Variants in CAST observed in about 807,000 individuals in gnomAD.
CAST encodes the protein calpastatin.
CAST carries 76 observed loss-of-function variants against 119.6 expected under a neutral mutation model. The observed-to-expected ratio is 0.64, with a 90% CI of 0.53 to 0.77. The LOEUF is 0.77. CAST is among the 30% of genes least tolerant of loss of function. The pLI, the probability that CAST is intolerant of heterozygous loss-of-function variation, is 0.00. For missense variants in CAST, 953 were observed against 946.5 expected (o/e 1.01, Z -0.09); for synonymous variants, 319 against 331.6 (o/e 0.96, Z 0.41).
rs1561417211 is a variant in CAST at position 96,561,807 on chromosome 5, T to TTTTTTG, written c.60+31930_60+31931insTTGTTT. ...ATATGTTTTTTTTTGTTTTTTTTTT[T>TTTTTTG]TTTGAGACGGAGTCTCGCTCTGTCG... On this transcript the variant is annotated intron_variant, in intron 1 of 11. Transcript: ENST00000505143. Among the ~76,000 whole-genome samples, 14 of 121,454 alleles carry TTTTTTG rather than the reference T, an allele frequency of 1.2e-4. 1 individual carries two copies. Among genetic ancestry groups the TTTTTTG allele is most frequent in the African/African-American group, 4.0e-4 (13 of 32,168 alleles). The allele number at this position is 121,454 out of a possible 152,430, so 79.7% of individuals were successfully genotyped here.
rs1252391715 is a variant in CAST at position 96,765,969 on chromosome 5, A to G, written c.2038-84A>G. 6.2e-6 allele frequency: 5 copies of G among 802,010 alleles called. No homozygotes were observed. The East Asian group carries it at 1.2e-4, about 20-fold the overall frequency. The allele number at this position is 802,010 out of a possible 1,614,324, so 49.7% of individuals were successfully genotyped here. A position where few individuals can be genotyped will look rare whatever the true frequency, so the allele number is the denominator to read the frequency against. On this transcript the variant is annotated intron_variant, in intron 26 of 31. Coordinates refer to ENST00000675179, the MANE Select transcript of CAST (RefSeq NM_001750.7). ...TGTTTTGCCTCATGAAAGTACAACA[A>G]ATGCTGAATGCTGCATTTGACAATG...
chr5:96,762,532 G>A, intron 25 of CAST, 160 bp downstream of exon 25: 2 of 518,390 alleles, frequency 3.9e-6, no homozygotes, highest in South Asian at 3.7e-5. Context: ...TTAGCGAGAT[G>A]GCAGAGATTA....
At chr5:96,527,086 T>C (rs1745607928), upstream of CAST, among the ~76,000 whole-genome samples, 1 of 152,310 alleles carries the variant, frequency 6.6e-6, no homozygotes, top group East Asian at 1.9e-4. Flanking sequence ...TAGATCTGCA[T>C]TTTACATAGG....
chr5:96,012,033 T>A, the CAST span, among the ~76,000 whole-genome samples: 1 of 152,170 alleles, frequency 6.6e-6, no homozygotes, highest in Non-Finnish European at 1.5e-5. Context: ...TTTTCATTTA[T>A]CTTTGAAGTC....
At chr5:96,412,984 A>G in the CAST span, 5 of 1,000,004 alleles carry the variant, frequency 5.0e-6, no homozygotes, top group African/African-American at 5.3e-5. Flanking sequence ...CTGTCCCACA[A>G]ATGGCTGTGG....
intron 1 of CAST, among the ~76,000 whole-genome samples, chr5:96,562,007 T>A (rs1458152893): frequency 6.6e-6 from 1 of 150,646 alleles, no homozygotes; most frequent in African/African-American, 2.4e-5. Flanking sequence ...TTAGCCAGGA[T>A]GGTCTCGATC....
chr5:96,724,112 C>T lies in CAST; in HGVS notation c.270+1414C>T, dbSNP rs1758796677. Among the ~76,000 whole-genome samples, 6 of 152,078 alleles carry T rather than the reference C, an allele frequency of 3.9e-5. No homozygotes were observed. The South Asian group carries it at 1.2e-3, about 32-fold the overall frequency. ...ATTTCTAAATTGCTTTCAAAATATACATTATATAATCTATAATTAATGTTA... is the reference window on the plus strand; with the variant it reads ...ATTTCTAAATTGCTTTCAAAATATATATTATATAATCTATAATTAATGTTA... On this transcript the variant is annotated intron_variant, in intron 4 of 31. Transcript: ENST00000675179.
chr5:96,426,921 C>G, the CAST span, among the ~76,000 whole-genome samples: 1 of 152,130 alleles, frequency 6.6e-6, no homozygotes, highest in African/African-American at 2.4e-5. Context: ...TGGGAAGAAC[C>G]TGAAAGCTAG....
At chr5:96,144,401 TG>T in the CAST span, among the ~76,000 whole-genome samples, 1 of 152,186 alleles carries the variant, frequency 6.6e-6, no homozygotes, top group Non-Finnish European at 1.5e-5. Context: ...CTGAAAGCCT[TG>T]TTTTTCCTCT....
chr5:96,510,526 A>C, the CAST span, among the ~76,000 whole-genome samples: 2 of 152,228 alleles, frequency 1.3e-5, no homozygotes, highest in South Asian at 4.2e-4. Context: ...TTAAGTTCCT[A>C]CTCTTGATGA....
intron 1 of CAST, among the ~76,000 whole-genome samples, chr5:96,618,718 G>A (rs952759558): frequency 1.2e-4 from 19 of 152,206 alleles, no homozygotes; most frequent in East Asian, 9.6e-4. Context: ...CAAATAGCTC[G>A]CATTCTTGCC....
intron 1 of CAST, among the ~76,000 whole-genome samples, chr5:96,615,200 G>A (rs1427232883): frequency 2.0e-5 from 3 of 152,340 alleles, no homozygotes; most frequent in Non-Finnish European, 2.9e-5. Flanking sequence ...AATTGTTGGA[G>A]CATATTTAAG....
intron 1 of CAST, among the ~76,000 whole-genome samples, chr5:96,625,279 CCTCTCTCTGTCTCTCT>C (rs1041264184): frequency 1.3e-5 from 2 of 151,914 alleles, no homozygotes; most frequent in African/African-American, 2.4e-5. Flanking sequence ...TTTCTCTCTC[CCTCTCTCTGTCTCTCT>C]CTCTCTCTGT....
chr5:96,642,404 A>G (rs973530490), intron 1 of CAST, among the ~76,000 whole-genome samples: 2 of 152,332 alleles, frequency 1.3e-5, no homozygotes, highest in Admixed American at 6.5e-5. Context: ...GGAATTAGAA[A>G]GGCACTTCCA....
intron 2 of CAST, among the ~76,000 whole-genome samples, chr5:96,689,471 G>A (rs530215876): frequency 6.6e-5 from 10 of 152,278 alleles, no homozygotes; most frequent in Admixed American, 1.3e-4. Flanking sequence ...AGAGAATACC[G>A]TAAGCATTTT....
At chr5:96,306,565 T>G in the CAST span, among the ~76,000 whole-genome samples, 1 of 152,186 alleles carries the variant, frequency 6.6e-6, no homozygotes, top group Non-Finnish European at 1.5e-5. Context: ...AGATCTTTCC[T>G]GCTTTCCCTT....
At chr5:96,115,436 T>C in the CAST span, among the ~76,000 whole-genome samples, 1 of 152,338 alleles carries the variant, frequency 6.6e-6, no homozygotes, top group South Asian at 2.1e-4. Context: ...AATTAACTCA[T>C]TGATTCCTCA....
the CAST span, among the ~76,000 whole-genome samples, chr5:96,339,659 C>T: frequency 1.3e-5 from 2 of 152,146 alleles, no homozygotes. Context: ...AGGCATGTAG[C>T]CAAATAATAC....
At chr5:96,307,121 A>T in the CAST span, among the ~76,000 whole-genome samples, 1 of 152,176 alleles carries the variant, frequency 6.6e-6, no homozygotes, top group Non-Finnish European at 1.5e-5. Flanking sequence ...TTGCTTTATG[A>T]ATCTGGATGC....
Sources: allele counts gnomAD v4.1 joint callset (sites outside exome capture counted in the v4.1 genomes callset), GRCh38; gene constraint gnomAD v4.1.1; transcripts MANE v1.5; gene names NCBI Gene and HGNC (gene_info 2026-07-23, HGNC 2026-07-21).